SNX27: variants seen among roughly 807,000 people sequenced by gnomAD.
The protein encoded by SNX27 is sorting nexin-27.
SNX27 carries 22 observed loss-of-function variants against 71.6 expected under a neutral mutation model. The ratio of observed to expected loss-of-function variants is 0.31; its 90% CI spans 0.22 to 0.44. The LOEUF (loss-of-function observed/expected upper bound fraction) is 0.44. Among genes scored for constraint, SNX27 ranks in the 20% least tolerant of loss-of-function variants. The probability of loss-of-function intolerance (pLI) is 1.00; values close to 1 mark genes in which losing one functional copy is unlikely to be tolerated. For synonymous variants in SNX27, 269 were observed against 277.2 expected (o/e 0.97, Z 0.29); for missense variants, 531 against 698.6 (o/e 0.76, Z 2.70).
At chr1:151,680,134 T>G (rs1260203466) in intron 7 of SNX27, 1 of 150,408 alleles carries the variant, frequency 6.6e-6, no homozygotes, top group Non-Finnish European at 1.5e-5. Context: ...TTCCACTTAG[T>G]CAGTCAAGCA....
intron 5 of SNX27, among the ~76,000 whole-genome samples, chr1:151,665,659 A>G (rs1226846704): frequency 6.6e-6 from 1 of 152,236 alleles, no homozygotes; most frequent in East Asian, 1.9e-4. Flanking sequence ...GACTATTATC[A>G]GCTTACACTG....
chr1:151,656,927 A>G (rs371044792), intron 2 of SNX27, among the ~76,000 whole-genome samples: 5 of 152,338 alleles, frequency 3.3e-5, no homozygotes, highest in East Asian at 1.9e-4. Context: ...TAAAATTAGA[A>G]TAAAAATAAA....
chr1:151,612,051 C>A lies in SNX27; in HGVS notation c.-151C>A. 2 of 868,324 alleles carry A rather than the reference C, an allele frequency of 2.3e-6. No homozygotes were observed. Among genetic ancestry groups the A allele is most frequent in the Non-Finnish European group, 1.6e-6 (1 of 637,722 alleles). The allele number at this position is 868,324 out of a possible 1,614,324, so 53.8% of individuals were successfully genotyped here. A position where few individuals can be genotyped will look rare whatever the true frequency, so the allele number is the denominator to read the frequency against. ...TCGCCCGCCCCCTGCCTCCTCTTCACCCCGCGCCAGCAGCTCGGTGGCCGA... is the reference window on the plus strand; with the variant it reads ...TCGCCCGCCCCCTGCCTCCTCTTCAACCCGCGCCAGCAGCTCGGTGGCCGA... On this transcript the variant is annotated 5_prime_UTR_variant, in exon 1 of 12. Coordinates refer to ENST00000458013, the MANE Select transcript of SNX27 (RefSeq NM_001330723.2). The surrounding 1 kb of genome is among the most constrained non-coding windows in gnomAD (Gnocchi z 5.2).
At chr1:151,658,166 C>T in intron 2 of SNX27, 69 bp from the exon 3 acceptor site, 1 of 1,434,628 alleles carries the variant, frequency 7.0e-7, no homozygotes. Flanking sequence ...ATCATCTAAG[C>T]CTGACTAGAT....
intron 7 of SNX27, chr1:151,677,135 C>T (rs1331380857): frequency 6.6e-6 from 1 of 151,898 alleles, no homozygotes; most frequent in Non-Finnish European, 1.5e-5. Context: ...ATTTTTAACC[C>T]ATTTCATAAC....
Position 151,692,432 on chromosome 1 carries a change from T to TTTTA in SNX27, c.1240-3_1240-2insTTTA. ...TTTTTTTTTTTTTTTTTTTTTTTTT[T>TTTTA]AGTACCTCAACATGCTAAGGACTTG... is the stretch of plus-strand genomic sequence containing the variant. On this transcript the variant is annotated splice_polypyrimidine_tract_variant and splice_region_variant and intron_variant, in intron 8 of 11. Coordinates refer to ENST00000458013, the MANE Select transcript of SNX27 (RefSeq NM_001330723.2). The TTTTA allele has an allele frequency of 2.1e-6, 3 of 1,452,074 alleles. No homozygotes were observed. The highest frequency in any genetic ancestry group is 1.8e-6 in the Non-Finnish European group (2 of 1,101,932). The allele number at this position is 1,452,074 out of a possible 1,614,324, so 89.9% of individuals were successfully genotyped here.
At position 151,695,052 on chromosome 1, in the gene SNX27, T is replaced by G. The variant is rs1376928098; in HGVS notation, c.*635T>G. ...ACCTGCTTGGATTTTTGCCCCTTTT[T>G]TTGTATTGAGTATAGATTCCGGCTC... On this transcript the variant is annotated 3_prime_UTR_variant, in exon 12 of 12. Transcript: ENST00000458013. 1 of 152,600 alleles carries G rather than the reference T, an allele frequency of 6.6e-6. No homozygotes were observed. The highest frequency in any genetic ancestry group is 2.4e-5 in the African/African-American group (1 of 41,438). 9.5% of individuals were successfully genotyped at this position (152,600 alleles called of 1,614,324 possible). A position where few individuals can be genotyped will look rare whatever the true frequency, so the allele number is the denominator to read the frequency against.
intron 10 of SNX27, 34 bp downstream of exon 10, chr1:151,693,073 A>T (rs780348167): frequency 6.3e-7 from 1 of 1,595,640 alleles, no homozygotes; most frequent in Non-Finnish European, 8.5e-7. Flanking sequence ...ACTGGGACTT[A>T]GTTTGTTTTT....
At chr1:151,666,576 C>T (rs1670198069) in intron 6 of SNX27, 2 of 152,180 alleles carry the variant, frequency 1.3e-5, no homozygotes, top group Admixed American at 6.5e-5. Flanking sequence ...GGGAGAGAGT[C>T]TGAGGGCTCT....
intron 2 of SNX27, among the ~76,000 whole-genome samples, chr1:151,656,597 C>T (rs1669702272): frequency 6.6e-6 from 1 of 152,206 alleles, no homozygotes; most frequent in South Asian, 2.1e-4. Context: ...GCATATAACT[C>T]TGCAGTTCAC....
At chr1:151,693,216 G>T in intron 10 of SNX27, 177 bp downstream of exon 10, 1 of 1,011,796 alleles carries the variant, frequency 9.9e-7, no homozygotes, top group East Asian at 2.5e-5. Flanking sequence ...ACTGGAATTG[G>T]CAATTTCCTA....
intron 1 of SNX27, among the ~76,000 whole-genome samples, chr1:151,621,014 C>G (rs968063958): frequency 6.6e-6 from 1 of 152,012 alleles, no homozygotes; most frequent in East Asian, 1.9e-4. Flanking sequence ...TAATTTAAAT[C>G]TTTTATTTTG....
At chr1:151,625,857 A>G (rs189109754) in intron 1 of SNX27, among the ~76,000 whole-genome samples, 1 of 151,532 alleles carries the variant, frequency 6.6e-6, no homozygotes, top group East Asian at 1.9e-4. Context: ...CTGAGGCAGG[A>G]GAATTGCTTG....
intron 1 of SNX27, among the ~76,000 whole-genome samples, chr1:151,618,266 T>C (rs1408500748): frequency 2.0e-5 from 3 of 152,186 alleles, no homozygotes; most frequent in Non-Finnish European, 4.4e-5. Context: ...CTATTACCCA[T>C]TGTTAAATTG....
intron 1 of SNX27, among the ~76,000 whole-genome samples, chr1:151,627,761 A>G (rs947338880): frequency 5.9e-5 from 9 of 151,554 alleles, no homozygotes; most frequent in African/African-American, 9.7e-5. Flanking sequence ...AGTTCTATAG[A>G]TTTTGACATG....
rs1267848853 is a variant in SNX27, at chr1:151,651,332, A to AC, written c.544-6895dup. Among the ~76,000 whole-genome samples the AC allele has an allele frequency of 4.6e-4, 53 of 114,268 alleles. 1 individual carries two copies. In the Middle Eastern group the frequency reaches 0.02, roughly 43 times the overall value. The allele number at this position is 114,268 out of a possible 152,430, so 75.0% of individuals were successfully genotyped here. A position where few individuals can be genotyped will look rare whatever the true frequency, so the allele number is the denominator to read the frequency against. On this transcript the variant is annotated intron_variant, in intron 2 of 11. Transcript: ENST00000458013. ...GGGCGGCTGGCGGGGCGGGGGGCTG[A>AC]CCCCCCCCACCTCCCTCCCGGATGG...
At chr1:151,630,617 T>G (rs1192670532) in intron 1 of SNX27, among the ~76,000 whole-genome samples, 1 of 152,234 alleles carries the variant, frequency 6.6e-6, no homozygotes, top group Admixed American at 6.5e-5. Flanking sequence ...ATGGAAATTT[T>G]GTTTAAATCT....
rs1330969080 is a variant in SNX27 at position 151,694,173 on chromosome 1, A to G, written c.1579-197A>G. ...GTTTTCTCTTCTGTGAAACAGGAAG[A>G]CTGAACCACGTAATTAATATCCAAG... On this transcript the variant is annotated intron_variant, in intron 11 of 11. Coordinates refer to ENST00000458013, the MANE Select transcript of SNX27 (RefSeq NM_001330723.2). 1.3e-5 allele frequency: 18 copies of G among 1,350,518 alleles called. No homozygotes were observed. The Admixed American group carries it at 5.8e-4, about 43-fold the overall frequency. 83.7% of individuals were successfully genotyped at this position (1,350,518 alleles called of 1,614,324 possible).
Position 151,620,890 on chromosome 1 carries a change from C to T in SNX27, c.311+8378C>T, listed in dbSNP as rs1204921380. On this transcript the variant is annotated intron_variant, in intron 1 of 11. Coordinates refer to ENST00000458013, the MANE Select transcript of SNX27 (RefSeq NM_001330723.2). Reference sequence around the variant, plus strand: ...TATTTTTAGTAGAGACCGGGTTTCACCATGCTGGCCAGGCTGGTCTTGAAC... The same window carrying T: ...TATTTTTAGTAGAGACCGGGTTTCATCATGCTGGCCAGGCTGGTCTTGAAC... Among the ~76,000 whole-genome samples, 3 of 152,136 alleles carry T rather than the reference C, an allele frequency of 2.0e-5. No individual in the cohort carries two copies. The East Asian group carries it at 5.8e-4, about 29-fold the overall frequency.
Sources: allele counts gnomAD v4.1 joint callset (sites outside exome capture counted in the v4.1 genomes callset), GRCh38; gene constraint gnomAD v4.1.1; non-coding constraint Gnocchi (gnomAD v3.1); transcripts MANE v1.5; gene names NCBI Gene and HGNC (gene_info 2026-07-23, HGNC 2026-07-21).